Variants in WDR7 observed in about 807,000 individuals in gnomAD.
WDR7 encodes WD repeat-containing protein 7.
A neutral mutation model predicts 169.4 loss-of-function variants in WDR7; 46 were observed. The ratio of observed to expected loss-of-function variants is 0.27; its 90% CI spans 0.21 to 0.35. The LOEUF (loss-of-function observed/expected upper bound fraction) is 0.35, where lower values mean the gene tolerates loss of function less well. Ranked by LOEUF, WDR7 falls within the 10% of genes least tolerant of loss-of-function variation. The pLI is 1.00. For synonymous variants in WDR7, 612 were observed against 666.8 expected (o/e 0.92, Z 1.27); for missense variants, 1,534 against 1,859.3 (o/e 0.83, Z 3.22).
At position 56,861,146 on chromosome 18, in the gene WDR7, A is replaced by T. The variant is rs17090392; in HGVS notation, c.3305-18798A>T. ...GTTTATATTCTTTTTCTAATCCTTG[A>T]TGGTTGCACTTTGATAAATAAATAG... is the stretch of plus-strand genomic sequence containing the variant. On this transcript the variant is annotated intron_variant, in intron 20 of 27. Coordinates refer to ENST00000254442, the MANE Select transcript of WDR7 (RefSeq NM_015285.3). Among the ~76,000 whole-genome samples, 1,439 of 152,256 alleles carry T rather than the reference A, an allele frequency of 9.5e-3. 24 individuals carry two copies. The highest frequency in any genetic ancestry group is 0.033 in the African/African-American group (1,355 of 41,568).
Position 56,765,243 on chromosome 18 carries a change from T to A in WDR7, c.2848+6290T>A, listed in dbSNP as rs78969142. Among the ~76,000 whole-genome samples the A allele has an allele frequency of 4.6e-5, 7 of 152,184 alleles. No homozygotes were observed. In the East Asian group the frequency reaches 1.3e-3, roughly 29 times the overall value. On this transcript the variant is annotated intron_variant, in intron 16 of 27. Transcript: ENST00000254442. ...ATAAGCCGTTTACATTTAATGTGATTGTTGATATGGTTAGGTTTGAATCTG... is the reference window on the plus strand; with the variant it reads ...ATAAGCCGTTTACATTTAATGTGATAGTTGATATGGTTAGGTTTGAATCTG...
intron 13 of WDR7, among the ~76,000 whole-genome samples, chr18:56,729,043 C>A (rs867780645): frequency 3.3e-5 from 5 of 152,268 alleles, no homozygotes; most frequent in Middle Eastern, 3.4e-3. Context: ...CACCAGAGAT[C>A]AAATTAGTTA....
intron 22 of WDR7, among the ~76,000 whole-genome samples, chr18:56,934,659 G>A (rs2046933753): frequency 6.6e-6 from 1 of 152,024 alleles, no homozygotes; most frequent in African/African-American, 2.4e-5. Context: ...TAACAATGAA[G>A]AGAATGCCTA....
At chr18:56,800,975 CAT>C (rs888222722) in intron 19 of WDR7, among the ~76,000 whole-genome samples, 1 of 152,118 alleles carries the variant, frequency 6.6e-6, no homozygotes, top group Non-Finnish European at 1.5e-5. Flanking sequence ...AACTGGGAAA[CAT>C]ATGTATGTGC....
intron 21 of WDR7, among the ~76,000 whole-genome samples, chr18:56,895,565 A>C (rs1488122731): frequency 4.0e-5 from 6 of 151,712 alleles, no homozygotes; most frequent in African/African-American, 7.3e-5. Context: ...TAAAAAAAAA[A>C]CTCAACAATT....
chr18:56,868,980 T>G (rs2145436356), intron 20 of WDR7, among the ~76,000 whole-genome samples: 1 of 152,208 alleles, frequency 6.6e-6, no homozygotes, highest in East Asian at 1.9e-4. Context: ...AAAAATTAAC[T>G]TGTTATTCAG....
chr18:57,002,445 T>A (rs2047996700), intron 26 of WDR7, among the ~76,000 whole-genome samples: 1 of 152,214 alleles, frequency 6.6e-6, no homozygotes, highest in Non-Finnish European at 1.5e-5. Flanking sequence ...TTTAGCTGCA[T>A]ACATTTTTGT....
At chr18:56,915,707 G>T (rs1340436368) in intron 21 of WDR7, among the ~76,000 whole-genome samples, 1 of 151,964 alleles carries the variant, frequency 6.6e-6, no homozygotes, top group Admixed American at 6.6e-5. Context: ...ATCCCTCAGG[G>T]GTGTTTGAAA....
chr18:56,816,996 A>G (rs966053538), intron 20 of WDR7, among the ~76,000 whole-genome samples: 6 of 152,196 alleles, frequency 3.9e-5, no homozygotes, highest in African/African-American at 1.2e-4. Context: ...ATTTAATAGT[A>G]ATCAATAATT....
chr18:56,980,348 G>A lies in WDR7; in HGVS notation c.4164+17819G>A, dbSNP rs114859963. 3.2e-3 allele frequency among the ~76,000 whole-genome samples: 484 copies of A among 152,286 alleles called. 2 individuals carry two copies. The highest frequency in any genetic ancestry group is 0.011 in the African/African-American group (454 of 41,548). On this transcript the variant is annotated intron_variant, in intron 26 of 27. Coordinates refer to ENST00000254442, the MANE Select transcript of WDR7 (RefSeq NM_015285.3). ...CCCAGATTGCATTTGCATACCAGAC[G>A]CTCTGGCAGTGGTGTGGAGCCGTGT...
chr18:56,695,979 G>A (rs1177726516), intron 11 of WDR7, among the ~76,000 whole-genome samples: 1 of 152,060 alleles, frequency 6.6e-6, no homozygotes, highest in Non-Finnish European at 1.5e-5. Context: ...AATATTTTAG[G>A]TTTTTTGTAT....
chr18:56,955,418 C>T (rs1486817153), intron 25 of WDR7, among the ~76,000 whole-genome samples: 1 of 151,974 alleles, frequency 6.6e-6, no homozygotes, highest in Admixed American at 6.6e-5. Flanking sequence ...TGTTTCAGAC[C>T]AAATCCCTAT....
Position 56,757,389 on chromosome 18 carries a change from C to CA in WDR7, c.2759+44dup, listed in dbSNP as rs770584030. On this transcript the variant is annotated intron_variant, in intron 15 of 27. Coordinates refer to ENST00000254442, the MANE Select transcript of WDR7 (RefSeq NM_015285.3). ...ATAGTTTGATTTTATTCTTAAGTTT[C>CA]AAAAAAAGAAACCTGTTTTATTTTT... 8.0e-6 allele frequency: 12 copies of CA among 1,492,248 alleles called. No homozygotes were observed. The East Asian group carries it at 1.1e-4, about 14-fold the overall frequency. The allele number at this position is 1,492,248 out of a possible 1,614,324, so 92.4% of individuals were successfully genotyped here. A position where few individuals can be genotyped will look rare whatever the true frequency, so the allele number is the denominator to read the frequency against.
intron 19 of WDR7, among the ~76,000 whole-genome samples, chr18:56,783,589 A>T (rs779655497): frequency 1.3e-5 from 2 of 152,198 alleles, no homozygotes; most frequent in Non-Finnish European, 2.9e-5. Flanking sequence ...TTTATTCCAA[A>T]TGGACTCGTG....
chr18:56,695,238 A>C (rs556680550), intron 11 of WDR7, 40 bp downstream of exon 11: 3 of 1,582,444 alleles, frequency 1.9e-6, no homozygotes, highest in Non-Finnish European at 2.6e-6. Flanking sequence ...TGTTTTGACA[A>C]CTCTTACCCA....
chr18:56,950,260 C>G (rs1309238024), intron 25 of WDR7, among the ~76,000 whole-genome samples: 1 of 152,148 alleles, frequency 6.6e-6, no homozygotes, highest in African/African-American at 2.4e-5. Flanking sequence ...ATAACTTTTT[C>G]ATCATGGATA....
intron 27 of WDR7, among the ~76,000 whole-genome samples, chr18:57,023,735 T>C (rs2048321600): frequency 6.6e-6 from 1 of 152,232 alleles, no homozygotes; most frequent in Non-Finnish European, 1.5e-5. Context: ...TCCATTGGCA[T>C]TTGAGCAAGA....
chr18:56,788,305 A>G (rs1331709325), intron 19 of WDR7, among the ~76,000 whole-genome samples: 1 of 152,182 alleles, frequency 6.6e-6, no homozygotes, highest in Non-Finnish European at 1.5e-5. Flanking sequence ...AATGCCTCTT[A>G]CATTTTATAT....
At chr18:56,848,468 A>G (rs1367506262) in intron 20 of WDR7, among the ~76,000 whole-genome samples, 1 of 152,200 alleles carries the variant, frequency 6.6e-6, no homozygotes, top group Non-Finnish European at 1.5e-5. Flanking sequence ...TTAGAGGACC[A>G]TTGGGAAGGC....
Sources: gnomAD v4.1 joint callset for allele counts (sites outside exome capture counted in the v4.1 genomes callset) on GRCh38, gnomAD v4.1.1 for gene constraint, MANE v1.5 for transcripts, NCBI Gene and HGNC (gene_info 2026-07-23, HGNC 2026-07-21) for gene names.